The following MEP1B variants were observed in gnomAD, a reference collection of about 807,000 sequenced individuals.
MEP1B encodes N-benzoyl-L-tyrosyl-P-amino-benzoic acid hydrolase subunit beta.
MEP1B carries 80 observed loss-of-function variants against 84.6 expected under a neutral mutation model. The ratio of observed to expected loss-of-function variants is 0.95; its 90% CI spans 0.79 to 1.14. The LOEUF is 1.14. Ranked by LOEUF, MEP1B falls within the 50% of genes most tolerant of loss-of-function variation. The pLI, the probability that MEP1B is intolerant of heterozygous loss-of-function variation, is 0.00. For missense variants in MEP1B, 766 were observed against 855.1 expected, an observed-to-expected ratio of 0.90 and a Z score of 1.30; for synonymous variants, 273 against 288.1, an observed-to-expected ratio of 0.95 and a Z score of 0.53.
At chr18:32,190,774 T>G (rs1465909899) in intron 1 of MEP1B, among the ~76,000 whole-genome samples, 4 of 152,104 alleles carry the variant, frequency 2.6e-5, no homozygotes, top group African/African-American at 9.6e-5. Flanking sequence ...AATAAATCCT[T>G]GATAATTTTA....
At position 32,196,655 on chromosome 18, in the gene MEP1B, T is replaced by A. The variant is rs1180949754; in HGVS notation, c.250+1170T>A. The A allele has an allele frequency of 1.0e-5, 7 of 677,940 alleles. No individual in the cohort carries two copies. The highest frequency in any genetic ancestry group is 5.3e-5 in the African/African-American group (3 of 56,876). 42.0% of individuals were successfully genotyped at this position (677,940 alleles called of 1,614,324 possible). On this transcript the variant is annotated intron_variant, in intron 5 of 14. Coordinates refer to ENST00000269202, the MANE Select transcript of MEP1B (RefSeq NM_005925.3). This position sits in a 1 kb window ranked among gnomAD's most constrained non-coding sequence, Gnocchi z 4.4. ...GCCTGATGTTGTCCAGCACGCCACC[T>A]CGGGGTGTCTTCCCCAAGCACCAGC...
chr18:32,211,273 AAAAT>A (rs2041024813), intron 10 of MEP1B, among the ~76,000 whole-genome samples: 1 of 152,140 alleles, frequency 6.6e-6, no homozygotes, highest in Non-Finnish European at 1.5e-5. Context: ...CATCTCTGAA[AAAAT>A]AAATAAAATA....
At chr18:32,200,522 C>T (rs1209534443) in intron 5 of MEP1B, among the ~76,000 whole-genome samples, 1 of 146,670 alleles carries the variant, frequency 6.8e-6, no homozygotes, top group Non-Finnish European at 1.5e-5. Flanking sequence ...GAAATGTATA[C>T]CATCTTCAAA....
chr18:32,218,835 G>A (rs1283197450), intron 14 of MEP1B, among the ~76,000 whole-genome samples: 1 of 152,196 alleles, frequency 6.6e-6, no homozygotes, highest in Admixed American at 6.5e-5. Flanking sequence ...ACGGCCTTTG[G>A]GGGAGGGCAT....
At position 32,217,069 on chromosome 18, in the gene MEP1B, GT is replaced by G. The variant is rs769367160; in HGVS notation, c.1839del (p.Cys613Ter). ...CAAGACCTCTGCTCAAAAACCACCT[GT>G]AAAAATGACGGTGTCTGCACTGTTC... ...SVQDLCSKTT[C>X]KNDGVCTVRD... On this transcript the variant is annotated frameshift_variant, in exon 13 of 15. Coordinates refer to ENST00000269202, the MANE Select transcript of MEP1B (RefSeq NM_005925.3). LOFTEE classifies it high-confidence loss of function. The G allele has an allele frequency of 2.5e-6, 4 of 1,613,814 alleles. No homozygotes were observed. The African/African-American group carries it at 4.0e-5, about 16-fold the overall frequency.
At position 32,202,918 on chromosome 18, in the gene MEP1B, C is replaced by T. The variant is rs766203996; in HGVS notation, c.276C>T (p.Leu92=). 3.7e-6 allele frequency: 6 copies of T among 1,610,610 alleles called. No homozygotes were observed. The highest frequency in any genetic ancestry group is 5.1e-6 in the Non-Finnish European group (6 of 1,177,716). The change falls in exon 6 of 15, where the codon CTC becomes CTT. Residue 92 remains leucine, a synonymous_variant. Transcript: ENST00000269202. ...SLEMNAKGVI[L]NAFERYRLKT... ...AAATGAATGCTAAGGGAGTTATCCT[C>T]AATGCATTTGAACGTTATCGCCTTA...
chr18:32,206,430 CTT>C (rs34535020), intron 7 of MEP1B, among the ~76,000 whole-genome samples: 22 of 133,658 alleles, frequency 1.6e-4, no homozygotes, highest in Non-Finnish European at 1.9e-4. Context: ...TTCAACAACA[CTT>C]TTTTTTTTTT....
rs746142525 is a variant in MEP1B at position 32,210,734 on chromosome 18, T to G, written c.1135+18T>G. On this transcript the variant is annotated intron_variant, in intron 10 of 14. Coordinates refer to ENST00000269202, the MANE Select transcript of MEP1B (RefSeq NM_005925.3). The stretch of plus-strand genomic sequence containing the variant: ...AATAAAAGGTACAATGTCAACATCC[T>G]TATTGTCTGGATTTAAAATGAGGCA... The G allele has an allele frequency of 3.1e-6, 5 of 1,598,106 alleles. No individual in the cohort carries two copies. In the South Asian group the frequency reaches 5.5e-5, roughly 18 times the overall value.
At chr18:32,197,916 T>C (rs79765590) in intron 5 of MEP1B, among the ~76,000 whole-genome samples, 1,584 of 152,266 alleles carry the variant, frequency 0.01, 23 homozygotes, top group African/African-American at 0.036. Flanking sequence ...GTCCCCAGTG[T>C]CTTTTGTTCT....
chr18:32,215,578 G>A (rs1005633641), intron 12 of MEP1B, among the ~76,000 whole-genome samples: 4 of 152,100 alleles, frequency 2.6e-5, no homozygotes, highest in Admixed American at 6.5e-5. Context: ...TAATCCCAGC[G>A]CTTTGGGAGA....
chr18:32,208,052 G>T, intron 8 of MEP1B, 67 bp from the exon 9 acceptor site: 1 of 1,538,132 alleles, frequency 6.5e-7, no homozygotes, highest in Non-Finnish European at 8.9e-7. Context: ...ACTGTGATAA[G>T]TTCAGTTTTT....
chr18:32,213,418 A>C lies in MEP1B; in HGVS notation c.1438A>C (p.Ile480Leu). 1.2e-6 allele frequency: 2 copies of C among 1,613,932 alleles called. No individual in the cohort carries two copies. The highest frequency in any genetic ancestry group is 2.2e-5 in the South Asian group (2 of 91,074). The change falls in exon 11 of 15, where the codon ATC (isoleucine) becomes CTC (leucine). Residue 480 changes from isoleucine (I) to leucine (L), a missense_variant. Coordinates refer to ENST00000269202, the MANE Select transcript of MEP1B (RefSeq NM_005925.3). Reference protein sequence around the residue: ...VTNAGIYFHLISGANDDQLQW... With the variant: ...VTNAGIYFHLLSGANDDQLQW... ...TAATGCAGGGATATATTTCCACTTG[A>C]TCTCTGGAGCCAATGATGATCAATT...
intron 4 of MEP1B, among the ~76,000 whole-genome samples, chr18:32,194,848 T>C (rs922574218): frequency 1.6e-4 from 24 of 152,158 alleles, no homozygotes; most frequent in African/African-American, 5.8e-4. Flanking sequence ...ACATACTCTT[T>C]CTGTCCTCCA....
intron 14 of MEP1B, among the ~76,000 whole-genome samples, chr18:32,219,238 G>A (rs1178322930): frequency 6.6e-6 from 1 of 152,152 alleles, no homozygotes; most frequent in Non-Finnish European, 1.5e-5. Context: ...GTCAAAACAT[G>A]AACAATGATA....
intron 4 of MEP1B, 63 bp from the exon 5 acceptor site, chr18:32,195,344 T>C: frequency 9.8e-7 from 1 of 1,016,178 alleles, no homozygotes; most frequent in Non-Finnish European, 1.5e-6. Context: ...CTAGATTAAC[T>C]ACAGGTTTCC....
Position 32,196,849 on chromosome 18 carries a change from C to T in MEP1B, c.250+1364C>T, listed in dbSNP as rs1247403649. On this transcript the variant is annotated intron_variant, in intron 5 of 14. Coordinates refer to ENST00000269202, the MANE Select transcript of MEP1B (RefSeq NM_005925.3). This position sits in a 1 kb window ranked among gnomAD's most constrained non-coding sequence, Gnocchi z 4.4. ...TTCTGCTGGCTTCTCAGGGCCTCTGCGTACTTGCCCATGATGTAGTGGAGG... is the reference window on the plus strand; with the variant it reads ...TTCTGCTGGCTTCTCAGGGCCTCTGTGTACTTGCCCATGATGTAGTGGAGG... 8 of 544,874 alleles carry T rather than the reference C, an allele frequency of 1.5e-5. No homozygotes were observed. The highest frequency in any genetic ancestry group is 3.8e-5 in the African/African-American group (2 of 52,618). The allele number at this position is 544,874 out of a possible 1,614,324, so 33.8% of individuals were successfully genotyped here. A position where few individuals can be genotyped will look rare whatever the true frequency, so the allele number is the denominator to read the frequency against.
chr18:32,190,490 G>A (rs142375945), intron 1 of MEP1B, among the ~76,000 whole-genome samples: 142 of 152,230 alleles, frequency 9.3e-4, no homozygotes, highest in Non-Finnish European at 1.5e-3. Flanking sequence ...CACAGGCACC[G>A]TCAGTACTTA....
At chr18:32,204,116 C>T in intron 6 of MEP1B, 66 bp from the exon 7 acceptor site, 3 of 1,411,066 alleles carry the variant, frequency 2.1e-6, no homozygotes, top group Admixed American at 1.9e-5. Context: ...TAGGCAGTGG[C>T]GATTCTGCCC....
intron 4 of MEP1B, among the ~76,000 whole-genome samples, chr18:32,194,783 T>C (rs1249728265): frequency 1.3e-5 from 2 of 152,046 alleles, no homozygotes. Context: ...TGTTCACATC[T>C]CTCTTTCTAA....
Sources: gnomAD v4.1 joint callset for allele counts (sites outside exome capture counted in the v4.1 genomes callset) on GRCh38, gnomAD v4.1.1 for gene constraint, Gnocchi (gnomAD v3.1) non-coding constraint, MANE v1.5 for transcripts, NCBI Gene and HGNC (gene_info 2026-07-23, HGNC 2026-07-21) for gene names.